Variants in NAV2 observed in about 807,000 individuals in gnomAD.
NAV2 encodes neuron navigator 2, also known as helicase, APC down-regulated 1.
A neutral mutation model predicts 223.2 loss-of-function variants in NAV2; 54 were observed. The ratio of observed to expected loss-of-function variants is 0.24; its 90% CI spans 0.19 to 0.30. The LOEUF is 0.30. Among genes scored for constraint, NAV2 ranks in the 10% least tolerant of loss-of-function variants. NAV2 has a pLI of 1.00. For missense variants in NAV2, 2,806 were observed against 3,147.5 expected, an observed-to-expected ratio of 0.89 and a Z score of 2.60; for synonymous variants, 1,279 against 1,239.3, an observed-to-expected ratio of 1.03 and a Z score of -0.67.
rs138891072 is a variant in NAV2 at position 19,425,999 on chromosome 11, A to C, written c.75+74972A>C. Among the ~76,000 whole-genome samples the C allele has an allele frequency of 1.2e-4, 19 of 152,278 alleles. No individual in the cohort carries two copies. In the East Asian group the frequency reaches 3.7e-3, roughly 29 times the overall value. On this transcript the variant is annotated intron_variant, in intron 1 of 37. Coordinates refer to the NAV2 transcript ENST00000360655. ...GAAGTAGATGGTATTTGAGTTACTG[A>C]GAGTTCTGATTTAGCAAGATATTAT...
At chr11:19,383,128 C>T (rs1848906956) in intron 1 of NAV2, among the ~76,000 whole-genome samples, 1 of 152,228 alleles carries the variant, frequency 6.6e-6, no homozygotes, top group Non-Finnish European at 1.5e-5. Flanking sequence ...GTGACAGACA[C>T]TGCTATAGTG....
chr11:20,106,177 GTGTGTGTATATATATATA>G lies in NAV2; in HGVS notation c.6841+452_6841+469del, dbSNP rs1565089040. ...TGTGTATATATATATATATATATAT[GTGTGTGTATATATATATA>G]TATATATATATATATATATATATAT... is the stretch of plus-strand genomic sequence containing the variant. On this transcript the variant is annotated intron_variant, in intron 35 of 37. Transcript: ENST00000349880. Among the ~76,000 whole-genome samples, 17 of 13,820 alleles carry G rather than the reference GTGTGTGTATATATATATA, an allele frequency of 1.2e-3. 1 individual carries two copies. Among genetic ancestry groups the G allele is most frequent in the East Asian group, 1.2e-3 (1 of 840 alleles). The allele number at this position is 13,820 out of a possible 152,430, so 9.1% of individuals were successfully genotyped here.
chr11:19,651,859 G>A (rs1028053309), intron 1 of NAV2, among the ~76,000 whole-genome samples: 1 of 152,184 alleles, frequency 6.6e-6, no homozygotes, highest in African/African-American at 2.4e-5. Context: ...AGGGCAGATG[G>A]CAGCCTTGAC....
chr11:19,843,895 A>C (rs1221191114), intron 3 of NAV2, among the ~76,000 whole-genome samples: 1 of 152,130 alleles, frequency 6.6e-6, no homozygotes, highest in Non-Finnish European at 1.5e-5. Flanking sequence ...TAGTTTTCTG[A>C]ATTGTTATCC....
chr11:20,027,131 A>T (rs1304925765), intron 11 of NAV2: 2 of 310,476 alleles, frequency 6.4e-6, no homozygotes, highest in Admixed American at 1.3e-4. Context: ...GGCCCCAGCA[A>T]TAGTTAGAGG....
chr11:19,466,487 G>A (rs1852355468), intron 1 of NAV2, among the ~76,000 whole-genome samples: 1 of 152,232 alleles, frequency 6.6e-6, no homozygotes, highest in African/African-American at 2.4e-5. Flanking sequence ...CTGCTGCTCA[G>A]AGCAGATGAG....
At chr11:19,898,540 A>C (rs1298452525) in intron 6 of NAV2, among the ~76,000 whole-genome samples, 1 of 152,232 alleles carries the variant, frequency 6.6e-6, no homozygotes, top group African/African-American at 2.4e-5. Context: ...TCTTCCTAAT[A>C]GTCACATAAT....
intron 1 of NAV2, among the ~76,000 whole-genome samples, chr11:19,809,642 C>T (rs539756221): frequency 1.3e-5 from 2 of 152,318 alleles, no homozygotes; most frequent in East Asian, 1.9e-4. Flanking sequence ...TTCAGGATCC[C>T]ATCCAGGATA....
At chr11:19,835,833 A>C (rs529429586) in intron 2 of NAV2, among the ~76,000 whole-genome samples, 1 of 152,078 alleles carries the variant, frequency 6.6e-6, no homozygotes, top group East Asian at 1.9e-4. Context: ...TACTGACTTC[A>C]TCTTATACTG....
intron 1 of NAV2, among the ~76,000 whole-genome samples, chr11:19,762,771 AC>A (rs1483165437): frequency 6.6e-6 from 1 of 151,228 alleles, no homozygotes; most frequent in Non-Finnish European, 1.5e-5. Context: ...ACACCAACAC[AC>A]CCAGCTAATT....
intron 17 of NAV2, among the ~76,000 whole-genome samples, 180 bp downstream of exon 17, chr11:20,051,513 A>G (rs528368992): frequency 1.3e-5 from 2 of 152,206 alleles, no homozygotes; most frequent in Admixed American, 6.5e-5. Context: ...TCCATTTGTC[A>G]GCTTATTTGC....
At chr11:19,884,222 A>G in intron 5 of NAV2, 2 of 1,134,064 alleles carry the variant, frequency 1.8e-6, no homozygotes. Flanking sequence ...GAAGACTCTT[A>G]GGATTTGTGT....
intron 22 of NAV2, among the ~76,000 whole-genome samples, chr11:20,069,740 T>C (rs146180515): frequency 6.6e-6 from 1 of 152,194 alleles, no homozygotes; most frequent in Non-Finnish European, 1.5e-5. Context: ...CCACAGCATG[T>C]CGTTAAAATG....
At chr11:19,736,527 C>T (rs2052316461) in intron 1 of NAV2, among the ~76,000 whole-genome samples, 1 of 152,168 alleles carries the variant, frequency 6.6e-6, no homozygotes, top group African/African-American at 2.4e-5. Flanking sequence ...ATATGCTGAG[C>T]TCTAATGAAA....
chr11:19,774,510 AC>A (rs1300037596), intron 1 of NAV2, among the ~76,000 whole-genome samples: 1 of 152,152 alleles, frequency 6.6e-6, no homozygotes, highest in African/African-American at 2.4e-5. Flanking sequence ...TGTACACTAT[AC>A]AGGCCTCTTT....
chr11:19,932,828 G>A (rs573550068), intron 6 of NAV2, among the ~76,000 whole-genome samples: 1 of 152,148 alleles, frequency 6.6e-6, no homozygotes, highest in East Asian at 1.9e-4. Context: ...TGGGAAACAG[G>A]CTATGGGATG....
chr11:20,067,014 C>A (rs566687836), intron 20 of NAV2, among the ~76,000 whole-genome samples: 3 of 152,272 alleles, frequency 2.0e-5, no homozygotes, highest in African/African-American at 7.2e-5. Context: ...TGGGCTCCCC[C>A]TGTGGGAGGA....
chr11:19,616,822 C>A (rs753217737), intron 1 of NAV2, among the ~76,000 whole-genome samples: 16 of 152,142 alleles, frequency 1.1e-4, no homozygotes, highest in Middle Eastern at 3.4e-3. Context: ...GGTTTTTATG[C>A]TGAATTGAGG....
Position 20,103,814 on chromosome 11 carries a change from T to C in NAV2, c.6644+90T>C, listed in dbSNP as rs772861048. The C allele has an allele frequency of 3.2e-4, 351 of 1,110,266 alleles. 1 individual carries two copies. The highest frequency in any genetic ancestry group is 5.9e-4 in the Admixed American group (35 of 59,080). 68.8% of individuals were successfully genotyped at this position (1,110,266 alleles called of 1,614,324 possible). A position where few individuals can be genotyped will look rare whatever the true frequency, so the allele number is the denominator to read the frequency against. On this transcript the variant is annotated intron_variant, in intron 34 of 37. Coordinates refer to ENST00000349880, the MANE Select transcript of NAV2 (RefSeq NM_145117.5). ...CGGGTAGAGATGCCTGTGTTGAGTA[T>C]GTGTTGTATGCTAGGTATTGTTAAG... is the stretch of plus-strand genomic sequence containing the variant.
Sources: allele counts gnomAD v4.1 joint callset (sites outside exome capture counted in the v4.1 genomes callset), GRCh38; gene constraint gnomAD v4.1.1; transcripts MANE v1.5; gene names NCBI Gene and HGNC (gene_info 2026-07-23, HGNC 2026-07-21).